Variants in TSPAN14 observed in about 807,000 individuals in gnomAD.
TSPAN14 encodes the protein tetraspanin 14, also known as tetraspanin-14.
Under a neutral mutation model 36.6 loss-of-function variants are expected in TSPAN14, and 16 were observed. The ratio of observed to expected loss-of-function variants is 0.44; its 90% CI spans 0.30 to 0.66. TSPAN14 has a LOEUF of 0.66. Ranked by LOEUF, TSPAN14 falls within the 30% of genes least tolerant of loss-of-function variation. The probability of loss-of-function intolerance (pLI) is 0.12; values close to 1 mark genes in which losing one functional copy is unlikely to be tolerated. For missense variants in TSPAN14, 231 were observed against 355.1 expected (o/e 0.65, Z 2.81); for synonymous variants, 139 against 143.8 (o/e 0.97, Z 0.24).
intron 1 of TSPAN14, among the ~76,000 whole-genome samples, chr10:80,488,294 G>C (rs112151942): frequency 9.8e-5 from 15 of 152,300 alleles, no homozygotes; most frequent in African/African-American, 3.6e-4. Context: ...TTGCCACTGG[G>C]GTTCAAAAAG....
At chr10:80,516,445 A>T in intron 8 of TSPAN14, 122 bp downstream of exon 8, 2 of 1,422,684 alleles carry the variant, frequency 1.4e-6, no homozygotes, top group South Asian at 2.6e-5. Context: ...GAAGAAAAAA[A>T]GGGATTCAAC....
At chr10:80,520,694 C>T (rs1215492829) in exon 9 of TSPAN14, 1 of 533,304 alleles carries the variant, frequency 1.9e-6, no homozygotes. Context: ...CCCTATGGCT[C>T]CCTCCCTTTC....
At chr10:80,507,880 A>G (rs1840378740) in intron 4 of TSPAN14, among the ~76,000 whole-genome samples, 1 of 152,170 alleles carries the variant, frequency 6.6e-6, no homozygotes, top group South Asian at 2.1e-4. Context: ...CAGTTAAATA[A>G]CACCTGGTGG....
intron 8 of TSPAN14, among the ~76,000 whole-genome samples, chr10:80,516,942 G>A (rs1249039076): frequency 6.6e-6 from 1 of 152,228 alleles, no homozygotes; most frequent in Non-Finnish European, 1.5e-5. Context: ...AGCAGGCAGT[G>A]AGGCCTGGGG....
intron 1 of TSPAN14, among the ~76,000 whole-genome samples, chr10:80,469,156 G>C (rs1039516462): frequency 7.9e-5 from 12 of 152,004 alleles, no homozygotes; most frequent in African/African-American, 2.4e-4. Flanking sequence ...CATGGGGGTG[G>C]GGGTAGGGAT....
chr10:80,506,690 C>T (rs566256663), intron 3 of TSPAN14, among the ~76,000 whole-genome samples: 8 of 152,352 alleles, frequency 5.3e-5, no homozygotes, highest in African/African-American at 1.2e-4. Context: ...AAGTGCTCCA[C>T]GATACCTGTG....
chr10:80,500,486 C>T (rs997358274), intron 2 of TSPAN14, among the ~76,000 whole-genome samples: 4 of 151,802 alleles, frequency 2.6e-5, no homozygotes, highest in South Asian at 2.1e-4. Context: ...TGTGCCACCA[C>T]GCTCGGCTAA....
intron 1 of TSPAN14, among the ~76,000 whole-genome samples, chr10:80,473,056 C>T (rs543787393): frequency 2.6e-5 from 4 of 152,286 alleles, no homozygotes; most frequent in Admixed American, 2.0e-4. Context: ...ATAAAAGTGT[C>T]CTGCTCTGCC....
intron 1 of TSPAN14, chr10:80,485,651 G>A (rs1302626506): frequency 1.8e-5 from 18 of 985,298 alleles, no homozygotes; most frequent in Non-Finnish European, 2.0e-5. Flanking sequence ...CAGAGGGTCA[G>A]GACCTGCTTT....
intron 2 of TSPAN14, among the ~76,000 whole-genome samples, chr10:80,497,868 T>C (rs1246769156): frequency 6.6e-6 from 1 of 152,206 alleles, no homozygotes; most frequent in African/African-American, 2.4e-5. Flanking sequence ...TGTGTTGCCT[T>C]TTCTCAGAAC....
chr10:80,505,784 G>A (rs1840261121), intron 3 of TSPAN14, among the ~76,000 whole-genome samples: 1 of 152,200 alleles, frequency 6.6e-6, no homozygotes, highest in Non-Finnish European at 1.5e-5. Context: ...CGCCTAACTG[G>A]GTGTGGCCCT....
At chr10:80,497,364 C>G (rs10785887) in intron 2 of TSPAN14, among the ~76,000 whole-genome samples, 80,844 of 152,028 alleles carry the variant, frequency 0.53, 21,707 homozygotes, top group East Asian at 0.83. Flanking sequence ...CTATGGCTTG[C>G]AGGCCAAACC....
At chr10:80,489,902 C>T (rs146774463) in intron 2 of TSPAN14, among the ~76,000 whole-genome samples, 1 of 152,104 alleles carries the variant, frequency 6.6e-6, no homozygotes, top group African/African-American at 2.4e-5. Flanking sequence ...GAAGAATGCT[C>T]CAGATAGACA....
intron 4 of TSPAN14, among the ~76,000 whole-genome samples, chr10:80,508,265 G>T (rs1223975894): frequency 6.6e-6 from 1 of 151,854 alleles, no homozygotes; most frequent in Admixed American, 6.6e-5. Context: ...ACAGGCGCCC[G>T]CTACCATGCC....
chr10:80,501,350 G>A (rs895940705), intron 2 of TSPAN14, among the ~76,000 whole-genome samples: 2 of 142,690 alleles, frequency 1.4e-5, no homozygotes, highest in Admixed American at 7.3e-5. Context: ...GGTCTTGAAC[G>A]CCTGGGCTCA....
chr10:80,492,980 A>G lies in TSPAN14; in HGVS notation c.81+3666A>G, dbSNP rs150902615. 2.6e-4 allele frequency among the ~76,000 whole-genome samples: 40 copies of G among 152,244 alleles called. 2 individuals carry two copies. In the East Asian group the frequency reaches 4.1e-3, roughly 15 times the overall value. ...AAATGTGGATGCCACTGATGTTTGC[A>G]TGTCTGTTCTGAACCTCTTGGTTTA... On this transcript the variant is annotated intron_variant, in intron 2 of 8. Transcript: ENST00000429989.
At chr10:80,510,433 C>T (rs191525035) in intron 5 of TSPAN14, among the ~76,000 whole-genome samples, 2 of 152,254 alleles carry the variant, frequency 1.3e-5, no homozygotes, top group African/African-American at 2.4e-5. Context: ...TGTTTTGATG[C>T]CTCTCCTTTC....
Position 80,508,824 on chromosome 10 carries a change from G to C in TSPAN14, c.280-477G>C, listed in dbSNP as rs530259272. Among the ~76,000 whole-genome samples, 21 of 152,284 alleles carry C rather than the reference G, an allele frequency of 1.4e-4. 1 individual carries two copies. The South Asian group carries it at 4.1e-3, about 30-fold the overall frequency. ...TGAGGTAACAGATACGTAGGCACTC[G>C]ATGGTTTTGTGTGTGTAGTGGGGAG... On this transcript the variant is annotated intron_variant, in intron 4 of 8. Transcript: ENST00000429989.
intron 1 of TSPAN14, among the ~76,000 whole-genome samples, chr10:80,462,742 T>C (rs1161894390): frequency 6.6e-6 from 1 of 152,098 alleles, no homozygotes; most frequent in African/African-American, 2.4e-5. Flanking sequence ...GGGAATGGGG[T>C]TTTGAGCTGG....
Sources: gnomAD v4.1 joint callset for allele counts (sites outside exome capture counted in the v4.1 genomes callset) on GRCh38, gnomAD v4.1.1 for gene constraint, MANE v1.5 for transcripts, NCBI Gene and HGNC (gene_info 2026-07-23, HGNC 2026-07-21) for gene names.